SPART: variants seen among roughly 807,000 people sequenced by gnomAD.
The protein encoded by SPART is spastic paraplegia 20 (Troyer syndrome).
A neutral mutation model predicts 58.7 loss-of-function variants in SPART; 35 were observed. The ratio of observed to expected loss-of-function variants is 0.60; its 90% CI spans 0.46 to 0.79. SPART has a LOEUF of 0.79. SPART is among the 30% of genes least tolerant of loss of function. The probability of loss-of-function intolerance (pLI) is 0.00; values close to 1 mark genes in which losing one functional copy is unlikely to be tolerated. For missense variants in SPART, 730 were observed against 786.1 expected (o/e 0.93, Z 0.85); for synonymous variants, 284 against 280.7 (o/e 1.01, Z -0.12).
chr13:36,326,785 C>G, intron 4 of SPART, 87 bp from the exon 5 acceptor site: 1 of 1,400,872 alleles, frequency 7.1e-7, no homozygotes, highest in Non-Finnish European at 1.0e-6. Flanking sequence ...ATGAAGCCAA[C>G]AAATACTAGA....
chr13:36,323,735 T>C (rs1882649222), intron 5 of SPART, among the ~76,000 whole-genome samples: 1 of 152,202 alleles, frequency 6.6e-6, no homozygotes, highest in South Asian at 2.1e-4. Flanking sequence ...TCGTTCTACC[T>C]ATTAAAAAGC....
At chr13:36,337,823 T>A (rs1884166841) in intron 1 of SPART, among the ~76,000 whole-genome samples, 1 of 152,214 alleles carries the variant, frequency 6.6e-6, no homozygotes, top group Non-Finnish European at 1.5e-5. Context: ...GCAATTTTGA[T>A]ACACTGAAAA....
chr13:36,308,595 T>C (rs1347392068), intron 8 of SPART, among the ~76,000 whole-genome samples: 2 of 151,876 alleles, frequency 1.3e-5, no homozygotes, highest in Admixed American at 6.6e-5. Context: ...TTCCTAGTTA[T>C]GTGAATCCCA....
At chr13:36,352,047 C>T (rs1289403421) in intron 1 of SPART, among the ~76,000 whole-genome samples, 1 of 152,062 alleles carries the variant, frequency 6.6e-6, no homozygotes, top group Admixed American at 6.5e-5. Flanking sequence ...AGTGGGATGA[C>T]TCGATGTAAA....
intron 1 of SPART, among the ~76,000 whole-genome samples, chr13:36,337,591 G>C (rs937671945): frequency 1.3e-5 from 2 of 152,134 alleles, no homozygotes; most frequent in African/African-American, 2.4e-5. Context: ...CGCCATGACT[G>C]TAAGTTTCCT....
At chr13:36,312,703 GAGT>G in intron 6 of SPART, 1 of 571,802 alleles carries the variant, frequency 1.7e-6, no homozygotes, top group South Asian at 2.1e-5. Context: ...TCTGCCTCCT[GAGT>G]AGCTGGGACT....
intron 1 of SPART, chr13:36,365,499 G>T: frequency 2.7e-6 from 1 of 364,206 alleles, no homozygotes; most frequent in Non-Finnish European, 5.6e-6. Flanking sequence ...AAATATCTTA[G>T]ATTACTAGGA....
intron 1 of SPART, among the ~76,000 whole-genome samples, chr13:36,369,033 A>G (rs1455688738): frequency 1.3e-5 from 2 of 152,224 alleles, no homozygotes; most frequent in Non-Finnish European, 2.9e-5. Context: ...TAAAAATTGC[A>G]GAACATTTTC....
intron 4 of SPART, among the ~76,000 whole-genome samples, chr13:36,327,683 G>A (rs1388534615): frequency 1.3e-5 from 2 of 152,132 alleles, no homozygotes; most frequent in East Asian, 3.9e-4. Context: ...AAGGACAACA[G>A]AAGTTAATAA....
chr13:36,363,351 ATCTC>A (rs148406750), intron 1 of SPART, among the ~76,000 whole-genome samples: 10 of 148,140 alleles, frequency 6.8e-5, no homozygotes, highest in East Asian at 2.0e-4. Context: ...TTAAATAAGC[ATCTC>A]TCTCTCTCTC....
chr13:36,332,836 A>G (rs1395125138), intron 2 of SPART, among the ~76,000 whole-genome samples: 1 of 152,162 alleles, frequency 6.6e-6, no homozygotes, highest in Admixed American at 6.5e-5. Context: ...TTGAGTAGTT[A>G]TTTATTTTAA....
Position 36,309,338 on chromosome 13 carries a change from G to C in SPART, c.1733+2807C>G, listed in dbSNP as rs1880851282. Among the ~76,000 whole-genome samples the C allele has an allele frequency of 2.6e-5, 4 of 151,280 alleles. No individual in the cohort carries two copies. The South Asian group carries it at 8.3e-4, about 32-fold the overall frequency. On this transcript the variant is annotated intron_variant, in intron 8 of 8. Transcript: ENST00000438666. ...ATGTCCCAGAATGTAAACTAGTTCA[G>C]CCACTTTTGGGAGATATCTCAAAAA...
intron 8 of SPART, among the ~76,000 whole-genome samples, chr13:36,310,885 G>A (rs1015432546): frequency 6.6e-6 from 1 of 151,170 alleles, no homozygotes; most frequent in African/African-American, 2.4e-5. Flanking sequence ...CCCACTGGTT[G>A]AGCACTCTGC....
At chr13:36,312,863 TTCTA>T (rs1881275531) in intron 6 of SPART, among the ~76,000 whole-genome samples, 2 of 152,030 alleles carry the variant, frequency 1.3e-5, no homozygotes, top group East Asian at 3.9e-4. Context: ...CAGCCACCTT[TTCTA>T]TCTGACTGTT....
Position 36,304,448 on chromosome 13 carries a change from C to T in SPART, c.1918G>A (p.Glu640Lys). The T allele has an allele frequency of 6.2e-7, 1 of 1,614,106 alleles. No individual in the cohort carries two copies. The highest frequency in any genetic ancestry group is 8.5e-7 in the Non-Finnish European group (1 of 1,180,002). Residue 640 changes from glutamate (E) to lysine (K), a missense_variant, in exon 9 of 9, where the codon GAA becomes AAA. Coordinates refer to ENST00000438666, the MANE Select transcript of SPART (RefSeq NM_015087.5). ...IVDNSQRENQ[E>K]GAANVNVRGE... ...CTCACGTTGACATTTGCTGCTCCTT[C>T]TTGATTTTCCCTCTGAGAATTATCA...
chr13:36,361,752 AC>A (rs1290473172), intron 1 of SPART, among the ~76,000 whole-genome samples: 15 of 152,174 alleles, frequency 9.9e-5, no homozygotes, highest in African/African-American at 3.1e-4. Context: ...AACTTTCTAA[AC>A]TTTACTAAGC....
At position 36,334,292 on chromosome 13, in the gene SPART, A is replaced by G. The variant is rs568916803; in HGVS notation, c.810+729T>C. On this transcript the variant is annotated intron_variant, in intron 2 of 8. Transcript: ENST00000438666. ...CAGCAATGCCCTGACATCAATCTTT[A>G]TGTAGCACTCTTTACTCTTAGACCA... is the stretch of plus-strand genomic sequence containing the variant. 7.9e-5 allele frequency among the ~76,000 whole-genome samples: 12 copies of G among 152,250 alleles called. No homozygotes were observed. In the South Asian group the frequency reaches 2.5e-3, roughly 32 times the overall value.
At chr13:36,318,503 A>G (rs1201367190) in intron 5 of SPART, among the ~76,000 whole-genome samples, 4 of 152,216 alleles carry the variant, frequency 2.6e-5, no homozygotes, top group African/African-American at 9.6e-5. Flanking sequence ...GACATTAAAT[A>G]TAACTCCAAA....
rs1424224833 is a variant in SPART, at chr13:36,361,125, C to A, written c.-3+8964G>T. Reference sequence around the variant, plus strand: ...AACATTAATATAATGTAACTGTTTCCAGGTGGAAGCAAACCAACTTATATA... The same window carrying A: ...AACATTAATATAATGTAACTGTTTCAAGGTGGAAGCAAACCAACTTATATA... On this transcript the variant is annotated intron_variant, in intron 1 of 8. Transcript: ENST00000355182. Among the ~76,000 whole-genome samples, 13 of 152,190 alleles carry A rather than the reference C, an allele frequency of 8.5e-5. 1 individual carries two copies. In the South Asian group the frequency reaches 2.1e-3, roughly 24 times the overall value.
Sources: allele counts gnomAD v4.1 joint callset (sites outside exome capture counted in the v4.1 genomes callset), GRCh38; gene constraint gnomAD v4.1.1; transcripts MANE v1.5; gene names NCBI Gene and HGNC (gene_info 2026-07-23, HGNC 2026-07-21).